The following CCDC102B variants were observed in gnomAD, a reference collection of about 807,000 sequenced individuals.
CCDC102B encodes coiled-coil domain-containing protein 102B.
In CCDC102B, 75 loss-of-function variants were observed where a neutral mutation model predicts 57.4. The observed-to-expected ratio is 1.31, with a 90% confidence interval of 1.08 to 1.58. The LOEUF is 1.58. Among genes scored for constraint, CCDC102B ranks in the 40% most tolerant of loss-of-function variants. The pLI, the probability that CCDC102B is intolerant of heterozygous loss-of-function variation, is 0.00. For synonymous variants in CCDC102B, 206 were observed against 201.9 expected, an observed-to-expected ratio of 1.02 and a Z score of -0.17; for missense variants, 636 against 582.6, an observed-to-expected ratio of 1.09 and a Z score of -0.94.
chr18:68,721,874 A>G (rs1396869865), intron 2 of CCDC102B, among the ~76,000 whole-genome samples: 2 of 152,204 alleles, frequency 1.3e-5, no homozygotes, highest in Non-Finnish European at 2.9e-5. Flanking sequence ...GTTGCGTTTC[A>G]TCCTCTCTGG....
At chr18:68,862,830 G>T (rs1222971431) in intron 4 of CCDC102B, among the ~76,000 whole-genome samples, 1 of 151,900 alleles carries the variant, frequency 6.6e-6, no homozygotes, top group Non-Finnish European at 1.5e-5. Flanking sequence ...TACAAAAATA[G>T]AAAGAATACT....
intron 4 of CCDC102B, among the ~76,000 whole-genome samples, chr18:68,854,259 C>A (rs1200468307): frequency 1.3e-5 from 2 of 152,000 alleles, no homozygotes; most frequent in Admixed American, 6.6e-5. Flanking sequence ...CGCCACCACA[C>A]CCGACTAATT....
At chr18:68,908,847 A>T (rs953041056) in intron 6 of CCDC102B, among the ~76,000 whole-genome samples, 1 of 152,124 alleles carries the variant, frequency 6.6e-6, no homozygotes, top group Admixed American at 6.5e-5. Flanking sequence ...TTTTATTTAA[A>T]TTTACAGATT....
chr18:68,812,074 A>C (rs190128406), intron 1 of CCDC102B, among the ~76,000 whole-genome samples: 14 of 152,208 alleles, frequency 9.2e-5, no homozygotes, highest in African/African-American at 3.4e-4. Context: ...TACCATTACA[A>C]ATCAGTGCCT....
chr18:69,049,497 G>C (rs2052651199), intron 7 of CCDC102B, among the ~76,000 whole-genome samples: 1 of 152,064 alleles, frequency 6.6e-6, no homozygotes, highest in Non-Finnish European at 1.5e-5. Context: ...CTGAGCATAT[G>C]TGGAAAATTC....
intron 6 of CCDC102B, among the ~76,000 whole-genome samples, chr18:68,983,158 GGT>G (rs1491145621): frequency 2.0e-5 from 3 of 150,832 alleles, no homozygotes; most frequent in Non-Finnish European, 4.4e-5. Flanking sequence ...GTGATTAAAA[GGT>G]TTTTTTTTTT....
At chr18:68,867,053 T>G (rs925319728) in intron 4 of CCDC102B, 1 of 264,060 alleles carries the variant, frequency 3.8e-6, no homozygotes, top group Non-Finnish European at 7.5e-6. Context: ...CAGCGTCATC[T>G]TTCCACACAC....
At chr18:69,041,425 C>T (rs992547959) in intron 7 of CCDC102B, among the ~76,000 whole-genome samples, 17 of 152,030 alleles carry the variant, frequency 1.1e-4, no homozygotes, top group African/African-American at 3.6e-4. Context: ...TATTACATAA[C>T]CATTTCTATC....
At chr18:68,888,155 T>C (rs937147114) in intron 5 of CCDC102B, among the ~76,000 whole-genome samples, 23 of 151,996 alleles carry the variant, frequency 1.5e-4, no homozygotes, top group Admixed American at 1.3e-3. Context: ...TTAAAGAACA[T>C]AGATAAGGAA....
At chr18:68,897,875 C>CT (rs1351077708) in intron 6 of CCDC102B, 1 of 211,688 alleles carries the variant, frequency 4.7e-6, no homozygotes, top group Non-Finnish European at 9.7e-6. Flanking sequence ...CTTTCTGGTT[C>CT]TTTTTTGTCA....
At chr18:69,006,624 G>A (rs1184895919) in intron 6 of CCDC102B, among the ~76,000 whole-genome samples, 2 of 134,984 alleles carry the variant, frequency 1.5e-5, no homozygotes, top group Admixed American at 1.5e-4. Context: ...GGTATTTTTA[G>A]TAGAGACAGG....
intron 6 of CCDC102B, among the ~76,000 whole-genome samples, chr18:68,999,454 A>C (rs891289969): frequency 6.6e-6 from 1 of 151,718 alleles, no homozygotes; most frequent in Non-Finnish European, 1.5e-5. Flanking sequence ...AAAAAAAAAA[A>C]AAAAAACCCA....
chr18:68,802,760 G>A (rs965102430), intron 1 of CCDC102B, among the ~76,000 whole-genome samples: 7 of 152,236 alleles, frequency 4.6e-5, no homozygotes, highest in South Asian at 4.1e-4. Flanking sequence ...TGACATATTC[G>A]AGAAGCATAG....
chr18:68,909,604 GA>G (rs1489138649), intron 6 of CCDC102B, among the ~76,000 whole-genome samples: 2 of 152,172 alleles, frequency 1.3e-5, no homozygotes, highest in East Asian at 1.9e-4. Flanking sequence ...GACCAGGGAT[GA>G]AAAAACTCTG....
chr18:69,032,755 CT>C (rs1486214250), intron 7 of CCDC102B, among the ~76,000 whole-genome samples: 2 of 152,056 alleles, frequency 1.3e-5, no homozygotes, highest in Non-Finnish European at 2.9e-5. Context: ...AGCTTTGATT[CT>C]GCAGTTGCTA....
intron 4 of CCDC102B, among the ~76,000 whole-genome samples, chr18:68,864,303 A>T (rs969437196): frequency 1.3e-5 from 2 of 152,008 alleles, no homozygotes; most frequent in Admixed American, 6.5e-5. Flanking sequence ...CTTTCAATAT[A>T]GAAGAGACAG....
intron 7 of CCDC102B, among the ~76,000 whole-genome samples, chr18:69,023,990 C>A (rs550650405): frequency 1.3e-5 from 2 of 151,528 alleles, no homozygotes; most frequent in African/African-American, 4.8e-5. Context: ...ATTTCAACAG[C>A]AACTATTTGA....
rs555817311 is a variant in CCDC102B, at chr18:69,023,931, G to A, written c.1434+12827G>A. Among the ~76,000 whole-genome samples, 90 of 152,024 alleles carry A rather than the reference G, an allele frequency of 5.9e-4. 1 individual carries two copies. Among genetic ancestry groups the A allele is most frequent in the African/African-American group, 2.1e-3 (88 of 41,532 alleles). On this transcript the variant is annotated intron_variant, in intron 7 of 7. Transcript: ENST00000360242. ...CTGATGAACCTTTTTAACATTCAGT[G>A]ATTTTTTTTCTGCTTTAATCAATTA...
chr18:68,897,319 T>A lies in CCDC102B; in HGVS notation c.1154T>A (p.Ile385Asn). 2 of 1,612,948 alleles carry A rather than the reference T, an allele frequency of 1.2e-6. No homozygotes were observed. The highest frequency in any genetic ancestry group is 1.7e-6 in the Non-Finnish European group (2 of 1,179,190). The change falls in exon 6 of 8, where the codon ATC becomes AAC. Residue 385 changes from isoleucine (I) to asparagine (N), a missense_variant. Physicochemically the swap from Ile to Asn is moderately radical, Grantham distance 149. Coordinates refer to ENST00000360242, the MANE Select transcript of CCDC102B (RefSeq NM_024781.3). Reference protein sequence around the residue: ...GLERENRRLKIQVKEMEELLD... With the variant: ...GLERENRRLKNQVKEMEELLD... ...GAGAGAGAAAATAGAAGGCTGAAGA[T>A]CCAGGTGAAAGAAATGGAAGAGCTT...
Sources: gnomAD v4.1 joint callset for allele counts (sites outside exome capture counted in the v4.1 genomes callset) on GRCh38, gnomAD v4.1.1 for gene constraint, MANE v1.5 for transcripts, NCBI Gene and HGNC (gene_info 2026-07-23, HGNC 2026-07-21) for gene names.